Variants in CRTAC1 observed in about 807,000 individuals in gnomAD.
CRTAC1 encodes the protein cartilage acidic protein 1.
CRTAC1 carries 37 observed loss-of-function variants against 67.8 expected under a neutral mutation model. That is an observed-to-expected ratio of 0.55 (90% confidence interval 0.42 to 0.72). The LOEUF (loss-of-function observed/expected upper bound fraction) is 0.72, where lower values mean the gene tolerates loss of function less well. Ranked by LOEUF, CRTAC1 falls within the 30% of genes least tolerant of loss-of-function variation. The probability of loss-of-function intolerance (pLI) is 0.00; values close to 1 mark genes in which losing one functional copy is unlikely to be tolerated. For missense variants in CRTAC1, 780 were observed against 931.6 expected (o/e 0.84, Z 2.12); for synonymous variants, 348 against 371.0 (o/e 0.94, Z 0.71).
chr10:97,950,527 C>G (rs971510435), intron 2 of CRTAC1, among the ~76,000 whole-genome samples: 1 of 152,170 alleles, frequency 6.6e-6, no homozygotes, highest in Non-Finnish European at 1.5e-5. Flanking sequence ...TGCTGTAAGC[C>G]AGCGTGGTCT....
At chr10:97,914,219 T>C (rs1423584701) in intron 5 of CRTAC1, among the ~76,000 whole-genome samples, 1 of 151,766 alleles carries the variant, frequency 6.6e-6, no homozygotes, top group Non-Finnish European at 1.5e-5. Flanking sequence ...GGACTGGAGG[T>C]TTGGGGGGAC....
At chr10:97,965,120 G>A (rs2136646278) in intron 2 of CRTAC1, among the ~76,000 whole-genome samples, 1 of 152,332 alleles carries the variant, frequency 6.6e-6, no homozygotes, top group South Asian at 2.1e-4. Flanking sequence ...GGGTGTCAGA[G>A]CTGAGATCAA....
chr10:97,867,714 TTC>T (rs1217571584), intron 14 of CRTAC1: 1 of 152,128 alleles, frequency 6.6e-6, no homozygotes, highest in Non-Finnish European at 1.5e-5. Context: ...TTTTTTTTTT[TTC>T]TTTTTCCAAT....
At chr10:97,946,892 A>T (rs966303834) in intron 2 of CRTAC1, among the ~76,000 whole-genome samples, 1 of 152,204 alleles carries the variant, frequency 6.6e-6, no homozygotes, top group Non-Finnish European at 1.5e-5. Flanking sequence ...GGACACTAAG[A>T]GTTGGCAGCG....
At chr10:97,893,222 T>C (rs1590188051) in intron 11 of CRTAC1, among the ~76,000 whole-genome samples, 1 of 152,340 alleles carries the variant, frequency 6.6e-6, no homozygotes, top group East Asian at 1.9e-4. Flanking sequence ...TCTGACAGAA[T>C]CACTGTTCTC....
intron 2 of CRTAC1, among the ~76,000 whole-genome samples, chr10:97,963,460 T>C (rs768104498): frequency 8.5e-5 from 13 of 152,352 alleles, no homozygotes; most frequent in Non-Finnish European, 1.5e-4. Flanking sequence ...ACCACTGGCT[T>C]GGACTATTGC....
intron 5 of CRTAC1, among the ~76,000 whole-genome samples, chr10:97,911,010 C>T (rs1388826270): frequency 6.6e-6 from 1 of 152,214 alleles, no homozygotes; most frequent in Non-Finnish European, 1.5e-5. Flanking sequence ...GGGTGGCTTC[C>T]AGAGGCCTGT....
chr10:98,025,830 A>T (rs1030046033), intron 1 of CRTAC1, among the ~76,000 whole-genome samples: 1 of 152,212 alleles, frequency 6.6e-6, no homozygotes, highest in Non-Finnish European at 1.5e-5. Flanking sequence ...CTTCCTTAGG[A>T]ATCAATAGCT....
intron 2 of CRTAC1, among the ~76,000 whole-genome samples, chr10:98,010,029 T>C (rs1222121939): frequency 1.3e-5 from 2 of 151,762 alleles, no homozygotes; most frequent in African/African-American, 4.8e-5. Context: ...ATATTAGTGC[T>C]CAATGCACAA....
chr10:97,967,993 A>G (rs1186672411), intron 2 of CRTAC1, among the ~76,000 whole-genome samples: 1 of 152,222 alleles, frequency 6.6e-6, no homozygotes, highest in Non-Finnish European at 1.5e-5. Context: ...GCTGGCATTT[A>G]GACAAATAAA....
chr10:97,914,081 A>AG (rs1433968214), intron 5 of CRTAC1, among the ~76,000 whole-genome samples: 2 of 152,170 alleles, frequency 1.3e-5, no homozygotes, highest in Admixed American at 6.5e-5. Context: ...GCTGCCTCAA[A>AG]GGGTGAGGCC....
rs759281769 is a variant in CRTAC1 at position 97,865,633 on chromosome 10, C to CCAGCAGCGGCAG, written c.1889_1900dup (p.Ala630_Ala633dup). The CCAGCAGCGGCAG allele has an allele frequency of 1.2e-6, 2 of 1,612,794 alleles. No homozygotes were observed. The highest frequency in any genetic ancestry group is 1.7e-5 in the Admixed American group (1 of 59,978). On this transcript the variant is annotated inframe_insertion, in exon 15 of 15. Transcript: ENST00000370597. The stretch of plus-strand genomic sequence containing the variant: ...GAGGACCGGTGCAGCAGTGGCAGCT[C>CCAGCAGCGGCAG]CAGCAGCGGCAGCAGCAGCGGCAGT...
At chr10:98,014,528 T>G (rs1454338801) in intron 1 of CRTAC1, among the ~76,000 whole-genome samples, 1 of 152,152 alleles carries the variant, frequency 6.6e-6, no homozygotes, top group Non-Finnish European at 1.5e-5. Flanking sequence ...AAAAGAGGAC[T>G]CACAGAATGG....
chr10:97,971,047 T>A (rs2051703306), intron 2 of CRTAC1, among the ~76,000 whole-genome samples: 1 of 152,218 alleles, frequency 6.6e-6, no homozygotes, highest in African/African-American at 2.4e-5. Flanking sequence ...ACATGCTACA[T>A]CGCTAGTATC....
At chr10:97,877,500 C>A (rs930255889) in intron 14 of CRTAC1, among the ~76,000 whole-genome samples, 2 of 152,208 alleles carry the variant, frequency 1.3e-5, no homozygotes, top group Non-Finnish European at 2.9e-5. Context: ...ATGCCTAGAG[C>A]CTAGCTCAGT....
chr10:97,879,865 T>TGGGGGGGGG, intron 14 of CRTAC1: 1 of 226,630 alleles, frequency 4.4e-6, no homozygotes, highest in Non-Finnish European at 8.7e-6. Flanking sequence ...GGGGACGGGG[T>TGGGGGGGGG]GGGGGTGGAG....
rs142094451 is a variant in CRTAC1 at position 97,926,780 on chromosome 10, C to T, written c.422-3380G>A. On this transcript the variant is annotated intron_variant, in intron 3 of 14. Coordinates refer to ENST00000370597, the MANE Select transcript of CRTAC1 (RefSeq NM_018058.7). The stretch of plus-strand genomic sequence containing the variant: ...TCAGAGGGTTCTGGATTTCAGGGCT[C>T]TCGAGAAGGGACTTGGACTTAGGCC... Among the ~76,000 whole-genome samples the T allele has an allele frequency of 4.0e-3, 614 of 152,310 alleles. 2 individuals are homozygous for T. The highest frequency in any genetic ancestry group is 6.5e-3 in the Non-Finnish European group (440 of 68,018).
intron 13 of CRTAC1, among the ~76,000 whole-genome samples, chr10:97,880,811 C>A (rs1461848247): frequency 1.3e-5 from 2 of 152,154 alleles, no homozygotes; most frequent in South Asian, 2.1e-4. Context: ...CCCTGCCCTG[C>A]CCATATTCTG....
intron 5 of CRTAC1, among the ~76,000 whole-genome samples, chr10:97,913,038 G>A (rs1260391186): frequency 2.0e-5 from 3 of 152,180 alleles, no homozygotes; most frequent in South Asian, 2.1e-4. Flanking sequence ...GCCATGATTC[G>A]CAGGCTGCCA....
Sources: gnomAD v4.1 joint callset for allele counts (sites outside exome capture counted in the v4.1 genomes callset) on GRCh38, gnomAD v4.1.1 for gene constraint, MANE v1.5 for transcripts, NCBI Gene and HGNC (gene_info 2026-07-23, HGNC 2026-07-21) for gene names.